The following NFE2L2 variants were observed in gnomAD, a reference collection of about 807,000 sequenced individuals.
The protein encoded by NFE2L2 is nuclear factor erythroid 2-related factor 2.
In NFE2L2, 20 loss-of-function variants were observed where a neutral mutation model predicts 49.6. That is an observed-to-expected ratio of 0.40 (90% CI 0.28 to 0.59). NFE2L2 has a LOEUF of 0.59. Ranked by LOEUF, NFE2L2 falls within the 20% of genes least tolerant of loss-of-function variation. NFE2L2 has a pLI of 0.40. For synonymous variants in NFE2L2, 244 were observed against 256.5 expected (o/e 0.95, Z 0.47); for missense variants, 578 against 714.2 (o/e 0.81, Z 2.17).
chr2:177,242,687 T>C (rs1231269053), intron 1 of NFE2L2, among the ~76,000 whole-genome samples: 1 of 152,142 alleles, frequency 6.6e-6, no homozygotes, highest in African/African-American at 2.4e-5. Flanking sequence ...GTCTGTAAAC[T>C]GCAGAGCATG....
intron 1 of NFE2L2, chr2:177,263,765 G>A (rs1048311271): frequency 2.0e-6 from 2 of 985,384 alleles, no homozygotes; most frequent in African/African-American, 3.5e-5. Flanking sequence ...CCAACTCCGG[G>A]TGCCCGAGCC....
chr2:177,261,927 TA>T (rs1444182952), intron 1 of NFE2L2, among the ~76,000 whole-genome samples: 1 of 152,178 alleles, frequency 6.6e-6, no homozygotes, highest in Non-Finnish European at 1.5e-5. Context: ...GCAGCTTTGT[TA>T]AACATGATTT....
rs915579097 is a variant in NFE2L2 at position 177,233,642 on chromosome 2, G to A, written c.313-303C>T. The A allele has an allele frequency of 2.0e-4, 103 of 503,994 alleles. 1 individual carries two copies. The South Asian group carries it at 2.4e-3, about 12-fold the overall frequency. The allele number at this position is 503,994 out of a possible 1,614,324, so 31.2% of individuals were successfully genotyped here. A position where few individuals can be genotyped will look rare whatever the true frequency, so the allele number is the denominator to read the frequency against. On this transcript the variant is annotated intron_variant, in intron 2 of 4. Transcript: ENST00000397062. ...ATAGTTGTGTTAATTAAATCAGTCA[G>A]TATATGTTCTTAAAACAGTGCTTGC...
At chr2:177,235,761 A>G (rs1312864190) in intron 1 of NFE2L2, among the ~76,000 whole-genome samples, 1 of 152,044 alleles carries the variant, frequency 6.6e-6, no homozygotes, top group Non-Finnish European at 1.5e-5. Context: ...CAGGAAGTCA[A>G]GGCCATGGTG....
chr2:177,236,092 C>A (rs1052065225), intron 1 of NFE2L2, among the ~76,000 whole-genome samples: 1 of 152,216 alleles, frequency 6.6e-6, no homozygotes, highest in Non-Finnish European at 1.5e-5. Flanking sequence ...AGTGTAGACA[C>A]GTCACACTTT....
Position 177,264,473 on chromosome 2 carries a change from C to T in NFE2L2, c.45+59G>A, listed in dbSNP as rs1690864848. The T allele has an allele frequency of 8.0e-6, 12 of 1,498,554 alleles. No individual in the cohort carries two copies. The South Asian group carries it at 1.1e-4, about 14-fold the overall frequency. 92.8% of individuals were successfully genotyped at this position (1,498,554 alleles called of 1,614,324 possible). ...GGCTGTCCCTCCCGGGCCGCGGTTC[C>T]CTAGCTCCCCCGCCCCCGTCCCGGC... On this transcript the variant is annotated intron_variant, in intron 1 of 4. Coordinates refer to ENST00000397062, the MANE Select transcript of NFE2L2 (RefSeq NM_006164.5).
chr2:177,259,448 TATAGTACATATGCCGTAA>T (rs1427474237), intron 1 of NFE2L2, among the ~76,000 whole-genome samples: 1 of 152,164 alleles, frequency 6.6e-6, no homozygotes, highest in Non-Finnish European at 1.5e-5. Context: ...ACACAGGTAT[TATAGTACATATGCCGTAA>T]AAACGAATGA....
chr2:177,256,499 C>CAA (rs35073132), intron 1 of NFE2L2, among the ~76,000 whole-genome samples: 21,805 of 74,812 alleles, frequency 0.29, 2,431 homozygotes, highest in Non-Finnish European at 0.39. Context: ...TACATTCTTG[C>CAA]AAAAAAAAAA....
intron 1 of NFE2L2, among the ~76,000 whole-genome samples, chr2:177,253,693 T>C (rs1471292197): frequency 6.6e-6 from 1 of 152,198 alleles, no homozygotes; most frequent in Non-Finnish European, 1.5e-5. Context: ...TCCCAACTAC[T>C]AGTCATAGAA....
chr2:177,261,295 T>G (rs1459812941), intron 1 of NFE2L2, among the ~76,000 whole-genome samples: 2 of 152,128 alleles, frequency 1.3e-5, no homozygotes, highest in Admixed American at 1.3e-4. Context: ...TCACTCTCCC[T>G]GTATTTAACA....
In NFE2L2 at chr2:177,232,175, G is replaced by A. The variant is rs923291357; in HGVS notation, c.595-167C>T. 5.2e-5 allele frequency: 47 copies of A among 907,354 alleles called. 1 individual carries two copies. In the East Asian group the frequency reaches 5.4e-4, roughly 10 times the overall value. The allele number at this position is 907,354 out of a possible 1,614,324, so 56.2% of individuals were successfully genotyped here. A position where few individuals can be genotyped will look rare whatever the true frequency, so the allele number is the denominator to read the frequency against. ...TTCCAATACATATTTACGCCTAAGC[G>A]TTATGTATTATTTTCAGAGTTCCCA... On this transcript the variant is annotated intron_variant, in intron 4 of 4. Coordinates refer to ENST00000397062, the MANE Select transcript of NFE2L2 (RefSeq NM_006164.5).
intron 1 of NFE2L2, among the ~76,000 whole-genome samples, chr2:177,259,672 C>T (rs1485277000): frequency 2.0e-5 from 3 of 152,230 alleles, no homozygotes; most frequent in African/African-American, 7.2e-5. Flanking sequence ...GTGGCTTAAG[C>T]TTGTAATCCC....
chr2:177,241,486 T>C (rs768634156), intron 1 of NFE2L2, among the ~76,000 whole-genome samples: 2 of 152,200 alleles, frequency 1.3e-5, no homozygotes, highest in African/African-American at 2.4e-5. Context: ...TATCCTACCA[T>C]CTGGATGAAT....
At position 177,257,600 on chromosome 2, in the gene NFE2L2, T is replaced by C. The variant is rs146144436; in HGVS notation, c.45+6932A>G. On this transcript the variant is annotated intron_variant, in intron 1 of 4. Coordinates refer to ENST00000397062, the MANE Select transcript of NFE2L2 (RefSeq NM_006164.5). Reference sequence around the variant, plus strand: ...TAACCAGATTTTCTAAATCACTATATACTTCAATGGATACCAAGCACTGAG... The same window carrying C: ...TAACCAGATTTTCTAAATCACTATACACTTCAATGGATACCAAGCACTGAG... 2.7e-3 allele frequency among the ~76,000 whole-genome samples: 405 copies of C among 152,316 alleles called. 6 individuals are homozygous for C. The highest frequency in any genetic ancestry group is 9.3e-3 in the African/African-American group (387 of 41,564).
chr2:177,237,541 C>T (rs1318862621), intron 1 of NFE2L2, among the ~76,000 whole-genome samples: 2 of 151,730 alleles, frequency 1.3e-5, no homozygotes, highest in East Asian at 1.9e-4. Flanking sequence ...TTTTTTGAGA[C>T]GGAGTCTCGC....
chr2:177,249,314 A>C (rs1307478663), intron 1 of NFE2L2, among the ~76,000 whole-genome samples: 1 of 152,220 alleles, frequency 6.6e-6, no homozygotes, highest in Non-Finnish European at 1.5e-5. Context: ...TATGTTTCCA[A>C]GTAAAACCAG....
chr2:177,252,553 T>C (rs946082913), intron 1 of NFE2L2, among the ~76,000 whole-genome samples: 1 of 152,166 alleles, frequency 6.6e-6, no homozygotes, highest in Non-Finnish European at 1.5e-5. Flanking sequence ...AGAGAAACTC[T>C]CTCTGTGCCA....
intron 1 of NFE2L2, among the ~76,000 whole-genome samples, chr2:177,250,723 A>G (rs1344258896): frequency 6.6e-6 from 1 of 152,160 alleles, no homozygotes; most frequent in Non-Finnish European, 1.5e-5. Context: ...GTTCCTATCC[A>G]CTCGAGGCTT....
chr2:177,245,945 T>C (rs1690109281), intron 1 of NFE2L2, among the ~76,000 whole-genome samples: 1 of 152,138 alleles, frequency 6.6e-6, no homozygotes, highest in Non-Finnish European at 1.5e-5. Flanking sequence ...CGTTGAGGCT[T>C]CGGGGATTAA....
Sources: allele counts gnomAD v4.1 joint callset (sites outside exome capture counted in the v4.1 genomes callset), GRCh38; gene constraint gnomAD v4.1.1; transcripts MANE v1.5; gene names NCBI Gene and HGNC (gene_info 2026-07-23, HGNC 2026-07-21).